Variants in CRYL1 observed in about 807,000 individuals in gnomAD.
The protein encoded by CRYL1 is lambda-crystallin homolog.
CRYL1 carries 29 observed loss-of-function variants against 36.6 expected under a neutral mutation model. The ratio of observed to expected loss-of-function variants is 0.79; its 90% CI spans 0.59 to 1.08. CRYL1 has a LOEUF of 1.08. CRYL1 is among the 50% of genes least tolerant of loss of function. The pLI, the probability that CRYL1 is intolerant of heterozygous loss-of-function variation, is 0.00. For synonymous variants in CRYL1, 152 were observed against 151.5 expected (o/e 1.00, Z -0.02); for missense variants, 411 against 407.9 (o/e 1.01, Z -0.06).
intron 4 of CRYL1, among the ~76,000 whole-genome samples, chr13:20,434,548 G>A (rs1335779125): frequency 6.6e-6 from 1 of 150,688 alleles, no homozygotes; most frequent in Non-Finnish European, 1.5e-5. Context: ...GCCAATTAGG[G>A]AAAAAAAGCT....
chr13:20,524,256 G>T (rs1047224886), intron 1 of CRYL1, among the ~76,000 whole-genome samples: 8 of 152,168 alleles, frequency 5.3e-5, no homozygotes, highest in Non-Finnish European at 1.0e-4. Flanking sequence ...GTGCGCGCAC[G>T]CATGCGTGTA....
chr13:20,474,327 C>A lies in CRYL1; in HGVS notation c.276+15043G>T, dbSNP rs141524846. ...GGCAGCAGGCAGCTCTCACGCCCAC[C>A]TGCCCTGTCCCGTCCCCAGCCGTTG... On this transcript the variant is annotated intron_variant, in intron 3 of 7. Coordinates refer to ENST00000298248, the MANE Select transcript of CRYL1 (RefSeq NM_015974.3). Among the ~76,000 whole-genome samples, 418 of 152,354 alleles carry A rather than the reference C, an allele frequency of 2.7e-3. 3 individuals carry two copies. The highest frequency in any genetic ancestry group is 9.5e-3 in the African/African-American group (394 of 41,586).
rs180984594 is a variant in CRYL1, at chr13:20,508,728, A to G, written c.149+3715T>C. 4.3e-3 allele frequency among the ~76,000 whole-genome samples: 653 copies of G among 151,770 alleles called. 3 individuals are homozygous for G. Among genetic ancestry groups the G allele is most frequent in the African/African-American group, 0.015 (634 of 41,346 alleles). On this transcript the variant is annotated intron_variant, in intron 2 of 7. Coordinates refer to ENST00000298248, the MANE Select transcript of CRYL1 (RefSeq NM_015974.3). ...GCCGGGCGTGGTGGCGGGCGCCTGT[A>G]GTCCCAGCTACTCAGGAGGCTGAGG...
intron 3 of CRYL1, among the ~76,000 whole-genome samples, chr13:20,460,682 C>A (rs961274701): frequency 6.6e-6 from 1 of 151,944 alleles, no homozygotes; most frequent in African/African-American, 2.4e-5. Flanking sequence ...CCCGCCACTA[C>A]GCCCGGCTAA....
intron 3 of CRYL1, among the ~76,000 whole-genome samples, chr13:20,447,412 T>C (rs965610970): frequency 1.3e-5 from 2 of 151,762 alleles, no homozygotes; most frequent in Non-Finnish European, 2.9e-5. Context: ...AAGATGCTGC[T>C]CCCCCTCGCC....
intron 3 of CRYL1, among the ~76,000 whole-genome samples, chr13:20,485,436 G>A (rs1222053145): frequency 6.6e-6 from 1 of 152,128 alleles, no homozygotes; most frequent in African/African-American, 2.4e-5. Context: ...GTGGAGGCAG[G>A]TGGATCACTT....
chr13:20,479,557 C>T (rs1201091433), intron 3 of CRYL1, among the ~76,000 whole-genome samples: 1 of 152,142 alleles, frequency 6.6e-6, no homozygotes, highest in Admixed American at 6.6e-5. Flanking sequence ...TTGACAGACT[C>T]TTACACAGCC....
rs553560608 is a variant in CRYL1 at position 20,496,580 on chromosome 13, T to C, written c.150-7084A>G. Among the ~76,000 whole-genome samples, 4 of 152,206 alleles carry C rather than the reference T, an allele frequency of 2.6e-5. No homozygotes were observed. The South Asian group carries it at 8.3e-4, about 32-fold the overall frequency. On this transcript the variant is annotated intron_variant, in intron 2 of 7. Coordinates refer to ENST00000298248, the MANE Select transcript of CRYL1 (RefSeq NM_015974.3). Reference sequence around the variant, plus strand: ...TTTATCTCTGCTCCCTCCAGAAACCTTAGTAAAACCAGGCTAATAATGGAT... The same window carrying C: ...TTTATCTCTGCTCCCTCCAGAAACCCTAGTAAAACCAGGCTAATAATGGAT...
At chr13:20,433,559 G>A (rs1420130289) in intron 4 of CRYL1, among the ~76,000 whole-genome samples, 2 of 152,158 alleles carry the variant, frequency 1.3e-5, no homozygotes, top group Non-Finnish European at 2.9e-5. Context: ...AGAAAAGACG[G>A]CTCCTGTTTC....
chr13:20,469,743 A>G (rs4769112), intron 3 of CRYL1, among the ~76,000 whole-genome samples: 126,262 of 152,200 alleles, frequency 0.83, 52,544 homozygotes, highest in Admixed American at 0.87. Flanking sequence ...AGAAGGAGGA[A>G]CCCAAAGCCC....
At chr13:20,419,968 A>T (rs182388039) in intron 5 of CRYL1, among the ~76,000 whole-genome samples, 2 of 152,346 alleles carry the variant, frequency 1.3e-5, no homozygotes, top group African/African-American at 4.8e-5. Context: ...ATGAGACTTT[A>T]ATAAGTCGAA....
At chr13:20,477,872 G>C (rs1390109233) in intron 3 of CRYL1, among the ~76,000 whole-genome samples, 1 of 95,356 alleles carries the variant, frequency 1.0e-5, no homozygotes, top group Non-Finnish European at 2.0e-5. Flanking sequence ...TATATTATAT[G>C]ATAATATATA....
At chr13:20,446,476 C>T (rs2032459410) in intron 3 of CRYL1, among the ~76,000 whole-genome samples, 1 of 152,180 alleles carries the variant, frequency 6.6e-6, no homozygotes, top group African/African-American at 2.4e-5. Flanking sequence ...AAAAGGCCCC[C>T]ACTGATTGGT....
At chr13:20,423,523 A>G (rs1054715922) in intron 5 of CRYL1, among the ~76,000 whole-genome samples, 1 of 152,166 alleles carries the variant, frequency 6.6e-6, no homozygotes, top group Admixed American at 6.5e-5. Context: ...AGATGATCAT[A>G]TGGTTGTCCT....
rs1457468879 is a variant in CRYL1, at chr13:20,481,887, G to T, written c.276+7483C>A. On this transcript the variant is annotated intron_variant, in intron 3 of 7. Transcript: ENST00000298248. The surrounding 1 kb of genome is among the most constrained non-coding windows in gnomAD (Gnocchi z 4.1). The stretch of plus-strand genomic sequence containing the variant: ...GATCGCACCACTGCACTCCAGCCTG[G>T]GTGACAAAGGTGCGACTCCATCTCG... 6.6e-6 allele frequency among the ~76,000 whole-genome samples: 1 copy of T among 152,046 alleles called. No individual in the cohort carries two copies. Among genetic ancestry groups the T allele is most frequent in the African/African-American group, 2.4e-5 (1 of 41,392 alleles).
rs61255031 is a variant in CRYL1, at chr13:20,459,235, CAAAAAAA to C, written c.277-19488_277-19482del. Among the ~76,000 whole-genome samples the C allele has an allele frequency of 1.8e-3, 141 of 78,438 alleles. No individual in the cohort carries two copies. In the Middle Eastern group the frequency reaches 0.023, roughly 13 times the overall value. The allele number at this position is 78,438 out of a possible 152,430, so 51.5% of individuals were successfully genotyped here. A position where few individuals can be genotyped will look rare whatever the true frequency, so the allele number is the denominator to read the frequency against. On this transcript the variant is annotated intron_variant, in intron 3 of 7. Coordinates refer to ENST00000298248, the MANE Select transcript of CRYL1 (RefSeq NM_015974.3). Reference sequence around the variant, plus strand: ...TGGGCGACAGAGCGAGACTCCATCTCAAAAAAAAAAAAAAAAAAAAAAATTAATTCAA... The same window carrying C: ...TGGGCGACAGAGCGAGACTCCATCTCAAAAAAAAAAAAAAAATTAATTCAA...
intron 3 of CRYL1, among the ~76,000 whole-genome samples, chr13:20,478,902 G>T (rs1363751090): frequency 6.7e-6 from 1 of 149,094 alleles, no homozygotes; most frequent in African/African-American, 2.5e-5. Context: ...ACAGGCATGC[G>T]CCACACCAAG....
At chr13:20,468,086 A>G (rs761103265) in intron 3 of CRYL1, among the ~76,000 whole-genome samples, 6 of 152,156 alleles carry the variant, frequency 3.9e-5, no homozygotes, top group Non-Finnish European at 8.8e-5. Context: ...CCACCTGGCA[A>G]TGAAAAAAAC....
At position 20,427,191 on chromosome 13, in the gene CRYL1, TGA is replaced by T; in HGVS notation, c.633+4909_633+4910del. On this transcript the variant is annotated intron_variant, in intron 5 of 7. Transcript: ENST00000298248. ...TGACATCCCAGCCAATAAGATCACGTGACCCAGGGAGCACGCCTCCGGCAGGG... is the reference window on the plus strand; with the variant it reads ...TGACATCCCAGCCAATAAGATCACGTCCCAGGGAGCACGCCTCCGGCAGGG... 3 of 985,518 alleles carry T rather than the reference TGA, an allele frequency of 3.0e-6. No homozygotes were observed. In the African/African-American group the frequency reaches 5.2e-5, roughly 17 times the overall value. The allele number at this position is 985,518 out of a possible 1,614,324, so 61.0% of individuals were successfully genotyped here.
Sources: allele counts gnomAD v4.1 joint callset (sites outside exome capture counted in the v4.1 genomes callset), GRCh38; gene constraint gnomAD v4.1.1; non-coding constraint Gnocchi (gnomAD v3.1); transcripts MANE v1.5; gene names NCBI Gene and HGNC (gene_info 2026-07-23, HGNC 2026-07-21).